The following DIP2A variants were observed in gnomAD, a reference collection of about 807,000 sequenced individuals.
The protein encoded by DIP2A is disco-interacting protein 2 homolog A.
DIP2A carries 85 observed loss-of-function variants against 177.4 expected under a neutral mutation model. The observed-to-expected ratio is 0.48, with a 90% CI of 0.40 to 0.57. The LOEUF (loss-of-function observed/expected upper bound fraction) is 0.57, where lower values mean the gene tolerates loss of function less well. DIP2A is among the 20% of genes least tolerant of loss of function. The pLI is 0.00. For synonymous variants in DIP2A, 886 were observed against 881.8 expected, an observed-to-expected ratio of 1.00 and a Z score of -0.08; for missense variants, 1,791 against 2,100.2, an observed-to-expected ratio of 0.85 and a Z score of 2.88.
chr21:46,492,313 C>G (rs929751705), intron 3 of DIP2A, among the ~76,000 whole-genome samples: 4 of 152,164 alleles, frequency 2.6e-5, no homozygotes, highest in Non-Finnish European at 4.4e-5. Flanking sequence ...ATGCGCGCAT[C>G]TATTTCTGGA....
In DIP2A at chr21:46,557,546, G is replaced by A; in HGVS notation, c.3630-39G>A. On this transcript the variant is annotated intron_variant, in intron 30 of 37. Coordinates refer to ENST00000417564, the MANE Select transcript of DIP2A (RefSeq NM_015151.4). The surrounding 1 kb of genome is among the most constrained non-coding windows in gnomAD (Gnocchi z 6.0). ...GAAGAGTGGAGTGCCCAGGGTGCTGGGTGGGCGGGCGGAGCCTCACGAGCC... is the reference window on the plus strand; with the variant it reads ...GAAGAGTGGAGTGCCCAGGGTGCTGAGTGGGCGGGCGGAGCCTCACGAGCC... 2.5e-6 allele frequency: 4 copies of A among 1,582,928 alleles called. No homozygotes were observed. Among genetic ancestry groups the A allele is most frequent in the Non-Finnish European group, 3.4e-6 (4 of 1,159,666 alleles).
In DIP2A at chr21:46,494,819, C is replaced by T. The variant is rs542651787; in HGVS notation, c.284-2169C>T. 4.6e-4 allele frequency among the ~76,000 whole-genome samples: 70 copies of T among 152,318 alleles called. No homozygotes were observed. In the Middle Eastern group the frequency reaches 0.01, roughly 22 times the overall value. On this transcript the variant is annotated intron_variant, in intron 3 of 37. Coordinates refer to ENST00000417564, the MANE Select transcript of DIP2A (RefSeq NM_015151.4). ...TGTCCCATTCTTCGCCATTGGGAAT[C>T]TCTTCAAATTGGCTCGAGTTGTTTG... is the stretch of plus-strand genomic sequence containing the variant.
chr21:46,574,704 A>C (rs995098478), downstream of DIP2A, among the ~76,000 whole-genome samples: 1 of 152,194 alleles, frequency 6.6e-6, no homozygotes, highest in African/African-American at 2.4e-5. Flanking sequence ...AAAACCTAGA[A>C]TAGACAAGTT....
chr21:46,559,976 T>C (rs2060611009), intron 32 of DIP2A, among the ~76,000 whole-genome samples: 1 of 152,248 alleles, frequency 6.6e-6, no homozygotes, highest in Non-Finnish European at 1.5e-5. Flanking sequence ...TCTTACTTTG[T>C]TCACAGTGGA....
chr21:46,494,611 A>G (rs879881910), intron 3 of DIP2A, among the ~76,000 whole-genome samples: 4 of 152,270 alleles, frequency 2.6e-5, no homozygotes, highest in Non-Finnish European at 5.9e-5. Context: ...AAGAAAGTCA[A>G]GATGAATATT....
intron 1 of DIP2A, among the ~76,000 whole-genome samples, chr21:46,470,736 C>T (rs1365602187): frequency 1.3e-5 from 2 of 150,650 alleles, no homozygotes; most frequent in African/African-American, 2.4e-5. Flanking sequence ...TGCACTCCAG[C>T]CTGGACGACA....
At chr21:46,496,950 T>A in intron 3 of DIP2A, 38 bp from the exon 4 acceptor site, 2 of 1,565,124 alleles carry the variant, frequency 1.3e-6, no homozygotes, top group South Asian at 2.4e-5. Flanking sequence ...ATAAACAGTC[T>A]TGTAAAAAGT....
At chr21:46,570,266 C>G (rs1656497025), downstream of DIP2A, among the ~76,000 whole-genome samples, 2 of 152,140 alleles carry the variant, frequency 1.3e-5, no homozygotes, top group Admixed American at 6.6e-5. Flanking sequence ...GGCAGGATGA[C>G]AGCATGGAAA....
intron 1 of DIP2A, 95 bp downstream of exon 1, chr21:46,459,317 C>A: frequency 1.9e-6 from 2 of 1,048,060 alleles, no homozygotes; most frequent in Non-Finnish European, 2.6e-6. Context: ...GCCCCTCACT[C>A]CAGGACCCCC....
Position 46,566,587 on chromosome 21 carries a change from G to A in DIP2A, c.4367G>A (p.Gly1456Glu). Residue 1456 changes from glycine (G) to glutamate (E), a missense_variant, in exon 37 of 38, where the codon GGG (glycine) becomes GAG (glutamate). Gly to Glu is a moderately conservative substitution (Grantham distance 98, BLOSUM62 -2). Coordinates refer to ENST00000417564, the MANE Select transcript of DIP2A (RefSeq NM_015151.4). ...CGGCACGATGCACTGTATGTGGTTG[G>A]GTCTCTGGATGAAACTCTGGAGCTC... Reference protein sequence around the residue: ...GGRHDALYVVGSLDETLELRG... With the variant: ...GGRHDALYVVESLDETLELRG... 1 of 1,614,102 alleles carries A rather than the reference G, an allele frequency of 6.2e-7. No individual in the cohort carries two copies. Among genetic ancestry groups the A allele is most frequent in the Non-Finnish European group, 8.5e-7 (1 of 1,179,980 alleles).
rs1005619278 is a variant in DIP2A, at chr21:46,498,696, G to T, written c.518G>T (p.Gly173Val). 1 of 1,613,818 alleles carries T rather than the reference G, an allele frequency of 6.2e-7. No individual in the cohort carries two copies. Among genetic ancestry groups the T allele is most frequent in the Non-Finnish European group, 8.5e-7 (1 of 1,179,884 alleles). ...CCCTGGCTCGACCGGGTCATTCAGG[G>T]CTCGTCCACCTCATCCTCTGCATCC... ...VEPWLDRVIQGSSTSSSASST... is the reference protein window; with the variant it reads ...VEPWLDRVIQVSSTSSSASST... The change falls in exon 5 of 38, where the codon GGC (glycine) becomes GTC (valine). Residue 173 changes from glycine to valine, a missense_variant. Physicochemically the swap from Gly to Val is moderately radical, Grantham distance 109. Transcript: ENST00000417564. The surrounding 1 kb of genome is among the most constrained non-coding windows in gnomAD (Gnocchi z 4.3).
At chr21:46,482,069 A>G (rs1466860269) in intron 1 of DIP2A, among the ~76,000 whole-genome samples, 3 of 152,170 alleles carry the variant, frequency 2.0e-5, no homozygotes, top group Non-Finnish European at 4.4e-5. Flanking sequence ...AAACAAAAAC[A>G]AAAAACAGTA....
downstream of DIP2A, among the ~76,000 whole-genome samples, chr21:46,573,731 T>C (rs542003029): frequency 7.7e-6 from 1 of 130,068 alleles, no homozygotes; most frequent in South Asian, 2.7e-4. Context: ...GTAGCTATAA[T>C]AATATAGTTT....
Position 46,528,527 on chromosome 21 carries a change from C to CTTTTTTTTTTTTTTTTTT in DIP2A, c.1103-541_1103-524dup, listed in dbSNP as rs1162872343. ...ACCAAATACTGACTTTTTCTGCTTG[C>CTTTTTTTTTTTTTTTTTT]TTTTTTTTTTTTTTTTTTTTTTTTT... On this transcript the variant is annotated intron_variant, in intron 8 of 37. Transcript: ENST00000417564. Among the ~76,000 whole-genome samples, 7 of 29,406 alleles carry CTTTTTTTTTTTTTTTTTT rather than the reference C, an allele frequency of 2.4e-4. 2 individuals are homozygous for CTTTTTTTTTTTTTTTTTT. Among genetic ancestry groups the CTTTTTTTTTTTTTTTTTT allele is most frequent in the Non-Finnish European group, 3.9e-4 (7 of 17,976 alleles). 19.3% of individuals were successfully genotyped at this position (29,406 alleles called of 152,430 possible).
At chr21:46,517,204 G>A (rs2058624736) in intron 8 of DIP2A, among the ~76,000 whole-genome samples, 1 of 151,458 alleles carries the variant, frequency 6.6e-6, no homozygotes, top group African/African-American at 2.4e-5. Context: ...TGGGACTACA[G>A]GTGCACAGCA....
At chr21:46,570,425 G>C (rs2060947513), downstream of DIP2A, among the ~76,000 whole-genome samples, 2 of 152,256 alleles carry the variant, frequency 1.3e-5, no homozygotes, top group South Asian at 4.1e-4. Context: ...GTTCTTATCT[G>C]ATGTATTTTG....
chr21:46,482,388 T>C (rs2056408840), intron 1 of DIP2A, among the ~76,000 whole-genome samples: 1 of 152,238 alleles, frequency 6.6e-6, no homozygotes. Flanking sequence ...AACACATTAC[T>C]CACGTGTTTG....
chr21:46,538,195 A>T (rs1166273088), intron 15 of DIP2A, among the ~76,000 whole-genome samples: 1 of 152,186 alleles, frequency 6.6e-6, no homozygotes, highest in African/African-American at 2.4e-5. Flanking sequence ...AAGCGGGCAG[A>T]TAGGAAAAGA....
chr21:46,463,189 C>T (rs1003328831), intron 1 of DIP2A: 6 of 152,140 alleles, frequency 3.9e-5, no homozygotes, highest in Non-Finnish European at 7.3e-5. Context: ...TTCCTGAAAA[C>T]CTATCAGGAT....
Sources: allele counts gnomAD v4.1 joint callset (sites outside exome capture counted in the v4.1 genomes callset), GRCh38; gene constraint gnomAD v4.1.1; non-coding constraint Gnocchi (gnomAD v3.1); transcripts MANE v1.5; gene names NCBI Gene and HGNC (gene_info 2026-07-23, HGNC 2026-07-21).